TEX11: variants seen among roughly 807,000 people sequenced by gnomAD.
TEX11 encodes testis expressed 11.
A neutral mutation model predicts 84.4 loss-of-function variants in TEX11; 7 were observed. The ratio of observed to expected loss-of-function variants is 0.08; its 90% CI spans 0.05 to 0.16. The LOEUF is 0.16. Among genes scored for constraint, TEX11 ranks in the 10% least tolerant of loss-of-function variants. TEX11 has a pLI of 1.00. For missense variants in TEX11, 551 were observed against 660.5 expected (o/e 0.83, Z 1.82); for synonymous variants, 264 against 222.8 (o/e 1.18, Z -1.64).
chrX:70,627,371 AAGTG>A (rs1215524067), intron 18 of TEX11, among the ~76,000 whole-genome samples: 1 of 112,251 alleles, frequency 8.9e-6, no homozygotes, highest in East Asian at 2.8e-4. Context: ...AATGTTGACA[AAGTG>A]AGTGAGAAAA....
intron 8 of TEX11, among the ~76,000 whole-genome samples, chrX:70,820,358 C>T (rs1391721137): frequency 8.9e-6 from 1 of 111,970 alleles, no homozygotes; most frequent in Non-Finnish European, 1.9e-5. Context: ...TATCAACATG[C>T]AAAATAATGA....
intron 9 of TEX11, among the ~76,000 whole-genome samples, chrX:70,789,646 T>A (rs1418868223): frequency 9.0e-6 from 1 of 111,293 alleles, no homozygotes; most frequent in East Asian, 2.8e-4. Flanking sequence ...ATAACAAGAG[T>A]TGGCAAGGAT....
At chrX:70,524,108 C>G (rs1368508255), downstream of TEX11, among the ~76,000 whole-genome samples, 2 of 111,594 alleles carry the variant, frequency 1.8e-5, no homozygotes, top group Non-Finnish European at 3.8e-5. Flanking sequence ...GTAGATAGTA[C>G]AATTATTGAG....
chrX:70,558,156 G>A (rs1012767849), intron 25 of TEX11, among the ~76,000 whole-genome samples: 7 of 110,061 alleles, frequency 6.4e-5, no homozygotes, highest in African/African-American at 2.0e-4. Context: ...CAACAAAAAA[G>A]AAAGGAAAAG....
intron 25 of TEX11, among the ~76,000 whole-genome samples, chrX:70,569,816 A>C (rs1460229077): frequency 3.6e-5 from 4 of 110,360 alleles, no homozygotes; most frequent in East Asian, 2.8e-4. Context: ...GTCTGCCCCT[A>C]CTGGGGGGTG....
chrX:70,628,050 G>A (rs2089468312), intron 18 of TEX11, among the ~76,000 whole-genome samples: 1 of 110,092 alleles, frequency 9.1e-6, no homozygotes, highest in Admixed American at 9.7e-5. Flanking sequence ...CCAACATGGT[G>A]AAACCCCGCC....
intron 24 of TEX11, among the ~76,000 whole-genome samples, chrX:70,593,544 A>G (rs1351593484): frequency 2.7e-5 from 3 of 112,203 alleles, no homozygotes; most frequent in African/African-American, 9.7e-5. Context: ...ACTGATTTTG[A>G]AAAAGCCCAG....
At position 70,640,792 on chromosome X, in the gene TEX11, C is replaced by T. The variant is rs142601109; in HGVS notation, c.1483+10658G>A. Reference sequence around the variant, plus strand: ...AAGCACTGAACATGGAAAGGAACAACGGGTACCAGCTGCTGCAAAATCATG... The same window carrying T: ...AAGCACTGAACATGGAAAGGAACAATGGGTACCAGCTGCTGCAAAATCATG... On this transcript the variant is annotated intron_variant, in intron 17 of 29. Transcript: ENST00000374333. Among the ~76,000 whole-genome samples, 560 of 110,819 alleles carry T rather than the reference C, an allele frequency of 5.1e-3. 4 individuals carry two copies. Among genetic ancestry groups the T allele is most frequent in the African/African-American group, 0.017 (531 of 30,455 alleles).
chrX:70,786,404 G>A (rs1569441217), intron 9 of TEX11, among the ~76,000 whole-genome samples: 1 of 111,280 alleles, frequency 9.0e-6, no homozygotes, highest in Non-Finnish European at 1.9e-5. Context: ...AACCAACATG[G>A]CACATGTATA....
chrX:70,807,963 G>A (rs369988745), intron 8 of TEX11, among the ~76,000 whole-genome samples: 27 of 107,391 alleles, frequency 2.5e-4, no homozygotes, highest in Non-Finnish European at 4.2e-4. Context: ...AATTAGCCAG[G>A]CGTGGTGGCA....
In TEX11 at chrX:70,591,787, T is replaced by C. The variant is rs1336871415; in HGVS notation, c.2104A>G (p.Thr702Ala). The C allele has an allele frequency of 3.3e-6, 4 of 1,208,853 alleles. No individual in the cohort carries two copies. In the Admixed American group the frequency reaches 8.8e-5, roughly 26 times the overall value. ...FLSRALEEIQTCNDIHNFLKQ... is the reference protein window; with the variant it reads ...FLSRALEEIQACNDIHNFLKQ... ...AGGAAATTATGGATGTCATTGCATG[T>C]CTGGATCTCCTCAAGTGCACGACTC... The change falls in exon 25 of 30, where the codon ACA becomes GCA. Residue 702 changes from threonine (T) to alanine (A), a missense_variant. Thr to Ala is a moderately conservative substitution (Grantham distance 58, BLOSUM62 0). Transcript: ENST00000374333.
intron 2 of TEX11, among the ~76,000 whole-genome samples, chrX:70,901,939 G>GGTAA (rs1247449260): frequency 5.3e-5 from 6 of 112,721 alleles, no homozygotes; most frequent in African/African-American, 1.9e-4. Flanking sequence ...ACCTAGAAAA[G>GGTAA]GTAAGTAAAA....
At chrX:70,759,281 A>G (rs1316247232) in intron 9 of TEX11, among the ~76,000 whole-genome samples, 1 of 111,860 alleles carries the variant, frequency 8.9e-6, no homozygotes, top group Non-Finnish European at 1.9e-5. Flanking sequence ...GGCCAACATC[A>G]TACTGACACC....
At chrX:70,604,058 AAC>A (rs1435242614) in intron 24 of TEX11, among the ~76,000 whole-genome samples, 2 of 111,722 alleles carry the variant, frequency 1.8e-5, no homozygotes, top group African/African-American at 3.2e-5. Context: ...GTTCTGAGAA[AAC>A]ACAGAGGTGT....
intron 24 of TEX11, among the ~76,000 whole-genome samples, chrX:70,598,257 G>A (rs1483442535): frequency 4.5e-5 from 5 of 112,051 alleles, no homozygotes; most frequent in African/African-American, 1.3e-4. Flanking sequence ...ATAAACACAC[G>A]AAAAGATTCT....
At chrX:70,566,806 C>T (rs1169094795) in intron 25 of TEX11, among the ~76,000 whole-genome samples, 1 of 111,556 alleles carries the variant, frequency 9.0e-6, no homozygotes, top group Non-Finnish European at 1.9e-5. Context: ...TTCGGATTGC[C>T]AGTATTTTAT....
At chrX:70,668,836 G>C (rs1233237586) in intron 16 of TEX11, among the ~76,000 whole-genome samples, 1 of 111,881 alleles carries the variant, frequency 8.9e-6, no homozygotes, top group Non-Finnish European at 1.9e-5. Context: ...CAGGGGATCT[G>C]CTCTTAAAAA....
chrX:70,561,842 C>T (rs1395811131), intron 25 of TEX11, among the ~76,000 whole-genome samples: 2 of 112,182 alleles, frequency 1.8e-5, no homozygotes, highest in Non-Finnish European at 3.8e-5. Context: ...TTTGTTCCAA[C>T]ATGATTGATA....
chrX:70,520,953 A>T, the TEX11 span, among the ~76,000 whole-genome samples: 2 of 112,235 alleles, frequency 1.8e-5, no homozygotes, highest in Non-Finnish European at 3.8e-5. Context: ...CAGGCACGGG[A>T]TATAATCTCC....
Sources: allele counts gnomAD v4.1 joint callset (sites outside exome capture counted in the v4.1 genomes callset), GRCh38; gene constraint gnomAD v4.1.1; transcripts MANE v1.5; gene names NCBI Gene and HGNC (gene_info 2026-07-23, HGNC 2026-07-21).